PRKG1: variants seen among roughly 807,000 people sequenced by gnomAD.
PRKG1 encodes the protein protein kinase cGMP-dependent 1.
A neutral mutation model predicts 88.1 loss-of-function variants in PRKG1; 35 were observed. The observed-to-expected ratio is 0.40, with a 90% CI of 0.30 to 0.53. The LOEUF is 0.53. PRKG1 is among the 20% of genes least tolerant of loss of function. PRKG1 has a pLI of 0.59. For synonymous variants in PRKG1, 303 were observed against 292.5 expected (o/e 1.04, Z -0.37); for missense variants, 540 against 839.8 (o/e 0.64, Z 4.41).
intron 5 of PRKG1, among the ~76,000 whole-genome samples, chr10:52,052,737 A>G (rs1846020477): frequency 1.3e-5 from 2 of 152,142 alleles, no homozygotes; most frequent in African/African-American, 4.8e-5. Context: ...CAAGAACAGT[A>G]TGGAAGAAAC....
chr10:51,920,825 TAG>T (rs1406562584), intron 5 of PRKG1, among the ~76,000 whole-genome samples: 1 of 152,118 alleles, frequency 6.6e-6, no homozygotes, highest in Non-Finnish European at 1.5e-5. Flanking sequence ...TTATTATTTT[TAG>T]AGCAGTTTTA....
chr10:51,513,086 T>C (rs1035561839), intron 3 of PRKG1, among the ~76,000 whole-genome samples: 45 of 151,978 alleles, frequency 3.0e-4, no homozygotes, highest in African/African-American at 1.1e-3. Context: ...TTGTAGATTC[T>C]GGATATTAGC....
intron 1 of PRKG1, among the ~76,000 whole-genome samples, chr10:51,053,714 G>A (rs1405152772): frequency 6.6e-6 from 1 of 151,514 alleles, no homozygotes; most frequent in Non-Finnish European, 1.5e-5. Context: ...AACGTAAGTA[G>A]TTTAAGCTTC....
intron 2 of PRKG1, among the ~76,000 whole-genome samples, chr10:51,205,348 G>T (rs1268309424): frequency 6.6e-6 from 1 of 150,704 alleles, no homozygotes; most frequent in Non-Finnish European, 1.5e-5. Flanking sequence ...TCTCGGCCAG[G>T]CTGGTCTCGA....
intron 2 of PRKG1, among the ~76,000 whole-genome samples, chr10:51,189,199 G>A (rs928573954): frequency 4.0e-5 from 6 of 151,848 alleles, no homozygotes; most frequent in East Asian, 3.9e-4. Context: ...TTCCAGGCCC[G>A]TATATTCTTT....
intron 4 of PRKG1, among the ~76,000 whole-genome samples, chr10:51,879,116 ATTTG>A (rs569179554): frequency 0.056 from 8,584 of 152,310 alleles, 293 homozygotes; most frequent in Middle Eastern, 0.11. Context: ...ATCAACATGT[ATTTG>A]CTTGTAAATA....
chr10:52,105,574 A>T (rs968331041), intron 7 of PRKG1, among the ~76,000 whole-genome samples: 1 of 152,120 alleles, frequency 6.6e-6, no homozygotes, highest in Non-Finnish European at 1.5e-5. Context: ...TCTTTCGGAG[A>T]AGTGAACTTG....
chr10:51,837,083 C>T (rs766196237), intron 4 of PRKG1, among the ~76,000 whole-genome samples: 5 of 152,140 alleles, frequency 3.3e-5, no homozygotes, highest in Non-Finnish European at 7.4e-5. Context: ...ATTCTTCTCA[C>T]TCTTCTGCTA....
chr10:51,279,072 G>C (rs1250779826), intron 2 of PRKG1, among the ~76,000 whole-genome samples: 1 of 152,054 alleles, frequency 6.6e-6, no homozygotes, highest in African/African-American at 2.4e-5. Flanking sequence ...GATCTTTCCT[G>C]CTTTCTTTTA....
intron 3 of PRKG1, among the ~76,000 whole-genome samples, chr10:51,701,431 A>T (rs1425178683): frequency 6.6e-6 from 1 of 152,214 alleles, no homozygotes; most frequent in Non-Finnish European, 1.5e-5. Flanking sequence ...TTAGCTGTTC[A>T]CCCAAGATGC....
chr10:51,729,563 T>C (rs1398165504), intron 3 of PRKG1, among the ~76,000 whole-genome samples: 1 of 151,508 alleles, frequency 6.6e-6, no homozygotes, highest in East Asian at 1.9e-4. Flanking sequence ...AAAAATTAGC[T>C]GGGCATAGTG....
chr10:51,576,868 G>A (rs1307277685), intron 3 of PRKG1, among the ~76,000 whole-genome samples: 1 of 151,542 alleles, frequency 6.6e-6, no homozygotes, highest in East Asian at 1.9e-4. Context: ...TAATGAACTT[G>A]TGCTTTTAAA....
intron 4 of PRKG1, among the ~76,000 whole-genome samples, chr10:51,838,363 A>G (rs12250422): frequency 0.027 from 4,063 of 152,202 alleles, 115 homozygotes; most frequent in East Asian, 0.12. Context: ...ATGTTCTTTC[A>G]CATTTGTGCT....
At chr10:51,500,494 T>G (rs1222578356) in intron 3 of PRKG1, among the ~76,000 whole-genome samples, 1 of 152,190 alleles carries the variant, frequency 6.6e-6, no homozygotes, top group East Asian at 1.9e-4. Flanking sequence ...AAAACTTAGG[T>G]TCAGGTATCA....
chr10:51,947,976 A>G (rs1443220383), intron 5 of PRKG1, among the ~76,000 whole-genome samples: 1 of 151,966 alleles, frequency 6.6e-6, no homozygotes, highest in Non-Finnish European at 1.5e-5. Context: ...AAATTTTATA[A>G]TTTTCTTAAA....
chr10:52,065,578 T>C (rs562988176), intron 7 of PRKG1, among the ~76,000 whole-genome samples: 105 of 149,232 alleles, frequency 7.0e-4, no homozygotes, highest in Non-Finnish European at 1.2e-3. Flanking sequence ...ACTCAGGCTA[T>C]ATTACCTTAT....
chr10:51,072,891 C>T (rs557313990), upstream of PRKG1, among the ~76,000 whole-genome samples: 1 of 152,226 alleles, frequency 6.6e-6, no homozygotes, highest in Admixed American at 6.5e-5. Flanking sequence ...TCAAAAGCAA[C>T]AGTGTGCAAG....
intron 9 of PRKG1, among the ~76,000 whole-genome samples, chr10:52,214,496 C>G (rs989975227): frequency 3.9e-5 from 6 of 152,192 alleles, no homozygotes; most frequent in African/African-American, 1.2e-4. Flanking sequence ...AAACACATCT[C>G]AGACTTTGGA....
intron 2 of PRKG1, among the ~76,000 whole-genome samples, chr10:51,299,883 AAG>A (rs1449392034): frequency 6.6e-6 from 1 of 152,226 alleles, no homozygotes; most frequent in Non-Finnish European, 1.5e-5. Context: ...AAAGAACTTC[AAG>A]AAAATTAGAA....
Sources: gnomAD v4.1 joint callset for allele counts (sites outside exome capture counted in the v4.1 genomes callset) on GRCh38, gnomAD v4.1.1 for gene constraint, MANE v1.5 for transcripts, NCBI Gene and HGNC (gene_info 2026-07-23, HGNC 2026-07-21) for gene names.